The following ZHX2 variants were observed in gnomAD, a reference collection of about 807,000 sequenced individuals.
ZHX2 encodes zinc fingers and homeoboxes 2, also known as zinc fingers and homeoboxes protein 2.
In ZHX2, 6 loss-of-function variants were observed where a neutral mutation model predicts 21.9. The observed-to-expected ratio is 0.27, with a 90% CI of 0.15 to 0.54. The LOEUF (loss-of-function observed/expected upper bound fraction) is 0.54, where lower values mean the gene tolerates loss of function less well. Among genes scored for constraint, ZHX2 ranks in the 20% least tolerant of loss-of-function variants. The probability of loss-of-function intolerance (pLI) is 0.95; values close to 1 mark genes in which losing one functional copy is unlikely to be tolerated. For missense variants in ZHX2, 908 were observed against 1,090.7 expected (o/e 0.83, Z 2.36); for synonymous variants, 434 against 437.1 (o/e 0.99, Z 0.09).
intron 1 of ZHX2, among the ~76,000 whole-genome samples, chr8:122,856,401 C>CT (rs747052624): frequency 3.3e-5 from 5 of 152,120 alleles, no homozygotes; most frequent in Non-Finnish European, 5.9e-5. Flanking sequence ...TGACACTTGC[C>CT]TTTTAGGGAT....
In ZHX2 at chr8:122,945,436, C is replaced by CAAAAAAAAAA. The variant is rs60890533; in HGVS notation, c.-219-5838_-219-5829dup. Among the ~76,000 whole-genome samples, 84 of 73,668 alleles carry CAAAAAAAAAA rather than the reference C, an allele frequency of 1.1e-3. 13 individuals carry two copies. Among genetic ancestry groups the CAAAAAAAAAA allele is most frequent in the African/African-American group, 3.8e-3 (60 of 15,988 alleles). 48.3% of individuals were successfully genotyped at this position (73,668 alleles called of 152,430 possible). Reference sequence around the variant, plus strand: ...CTCTTTTATATAAACCCTGTCTCTGCAAAAAAAAAAAAAAAAAAAAAAAAA... The same window carrying CAAAAAAAAAA: ...CTCTTTTATATAAACCCTGTCTCTGCAAAAAAAAAAAAAAAAAAAAAAAAAAAAAAAAAAA... On this transcript the variant is annotated intron_variant, in intron 2 of 3. Transcript: ENST00000314393.
intron 2 of ZHX2, among the ~76,000 whole-genome samples, chr8:122,932,675 A>C (rs1333296356): frequency 1.3e-5 from 2 of 152,204 alleles, no homozygotes; most frequent in African/African-American, 4.8e-5. Context: ...ACTTGTGGTT[A>C]CATTTAGGTC....
At chr8:122,820,564 G>A (rs1387129306) in intron 1 of ZHX2, among the ~76,000 whole-genome samples, 1 of 152,206 alleles carries the variant, frequency 6.6e-6, no homozygotes, top group Non-Finnish European at 1.5e-5. Flanking sequence ...GGGGATGGGG[G>A]AGATGCCGGA....
chr8:122,931,673 C>T (rs1820997055), intron 2 of ZHX2, among the ~76,000 whole-genome samples: 1 of 152,132 alleles, frequency 6.6e-6, no homozygotes, highest in Non-Finnish European at 1.5e-5. Flanking sequence ...CCCAGCTGCC[C>T]ATCAAGATCA....
chr8:122,925,335 A>G (rs1820823699), intron 2 of ZHX2, among the ~76,000 whole-genome samples: 2 of 152,310 alleles, frequency 1.3e-5, no homozygotes, highest in Admixed American at 1.3e-4. Flanking sequence ...TGTGTGATTG[A>G]TCTTCCGTAA....
intron 3 of ZHX2, among the ~76,000 whole-genome samples, chr8:122,961,736 C>G (rs1813454500): frequency 6.6e-6 from 1 of 152,132 alleles, no homozygotes; most frequent in Admixed American, 6.5e-5. Context: ...GAAACCACCC[C>G]CATGATTCAA....
intron 2 of ZHX2, among the ~76,000 whole-genome samples, chr8:122,947,223 C>A (rs1008060566): frequency 9.2e-5 from 14 of 151,694 alleles, no homozygotes; most frequent in Non-Finnish European, 2.9e-5. Context: ...TGAGATCGTG[C>A]CATTGCACTC....
chr8:122,884,295 A>G (rs1468769753), intron 2 of ZHX2, among the ~76,000 whole-genome samples: 2 of 152,236 alleles, frequency 1.3e-5, no homozygotes, highest in East Asian at 3.8e-4. Flanking sequence ...TCAGTCGGAT[A>G]AAGTTTTCTG....
intron 2 of ZHX2, among the ~76,000 whole-genome samples, chr8:122,879,441 G>A (rs367941499): frequency 6.6e-6 from 1 of 151,658 alleles, no homozygotes; most frequent in South Asian, 2.1e-4. Context: ...TCTTGACCTC[G>A]TGATCCACCC....
intron 1 of ZHX2, among the ~76,000 whole-genome samples, chr8:122,783,800 G>C (rs1184421988): frequency 2.0e-5 from 3 of 152,196 alleles, no homozygotes; most frequent in Non-Finnish European, 4.4e-5. Context: ...GTTATGTAAA[G>C]CTGTATACAC....
intron 2 of ZHX2, among the ~76,000 whole-genome samples, chr8:122,941,115 C>T (rs1363257086): frequency 6.6e-6 from 1 of 150,968 alleles, no homozygotes; most frequent in African/African-American, 2.4e-5. Context: ...GGCATGGTGG[C>T]ATGTGCCTGT....
chr8:122,886,285 A>G (rs1261448454), intron 2 of ZHX2, among the ~76,000 whole-genome samples: 3 of 152,382 alleles, frequency 2.0e-5, no homozygotes, highest in East Asian at 3.9e-4. Flanking sequence ...AGGCAAAAAT[A>G]TGCAGACAGT....
At chr8:122,810,023 C>T (rs569544591) in intron 1 of ZHX2, among the ~76,000 whole-genome samples, 2 of 152,128 alleles carry the variant, frequency 1.3e-5, no homozygotes, top group Non-Finnish European at 2.9e-5. Context: ...ATTTCTTGAC[C>T]ATGGGCATGT....
intron 1 of ZHX2, among the ~76,000 whole-genome samples, chr8:122,827,250 C>T (rs1818283181): frequency 6.6e-6 from 1 of 152,140 alleles, no homozygotes; most frequent in African/African-American, 2.4e-5. Context: ...GTTGTGCAGG[C>T]TGGTCTCAAA....
At chr8:122,930,647 T>TTG (rs1820963805) in intron 2 of ZHX2, among the ~76,000 whole-genome samples, 2 of 151,596 alleles carry the variant, frequency 1.3e-5, no homozygotes, top group African/African-American at 4.9e-5. Flanking sequence ...AATTTTTGTT[T>TTG]TTTTTTTTTT....
intron 2 of ZHX2, among the ~76,000 whole-genome samples, chr8:122,884,790 C>A (rs1478897221): frequency 1.3e-5 from 2 of 152,160 alleles, no homozygotes; most frequent in Non-Finnish European, 2.9e-5. Context: ...CTTTCAGGAG[C>A]CTTACACATC....
intron 2 of ZHX2, among the ~76,000 whole-genome samples, chr8:122,872,590 T>G (rs1819466831): frequency 6.6e-6 from 1 of 152,148 alleles, no homozygotes; most frequent in African/African-American, 2.4e-5. Flanking sequence ...TAACCCCCCG[T>G]TCCGTGATAT....
In ZHX2 at chr8:122,972,904, G is replaced by A. The variant is rs145178921; in HGVS notation, c.*5-338G>A. ...TCCAGGGCCTTTTAGGAGCCACTGG[G>A]ACTGGTTGACTTTCTAGGAATAATA... On this transcript the variant is annotated intron_variant, in intron 3 of 3. Transcript: ENST00000314393. Among the ~76,000 whole-genome samples, 299 of 152,280 alleles carry A rather than the reference G, an allele frequency of 2.0e-3. 1 individual carries two copies. Among genetic ancestry groups the A allele is most frequent in the Non-Finnish European group, 3.3e-3 (222 of 68,018 alleles).
At chr8:122,972,842 G>C (rs1217933644) in intron 3 of ZHX2, among the ~76,000 whole-genome samples, 1 of 152,160 alleles carries the variant, frequency 6.6e-6, no homozygotes, top group African/African-American at 2.4e-5. Flanking sequence ...CAGCCACTAA[G>C]GGGAGAAGTT....
Sources: allele counts gnomAD v4.1 joint callset (sites outside exome capture counted in the v4.1 genomes callset), GRCh38; gene constraint gnomAD v4.1.1; transcripts MANE v1.5; gene names NCBI Gene and HGNC (gene_info 2026-07-23, HGNC 2026-07-21).